The following ATRNL1 variants were observed in gnomAD, a reference collection of about 807,000 sequenced individuals.
ATRNL1 encodes attractin like 1, also known as attractin-like protein 1.
ATRNL1 carries 95 observed loss-of-function variants against 182.7 expected under a neutral mutation model. The ratio of observed to expected loss-of-function variants is 0.52; its 90% CI spans 0.44 to 0.62. The LOEUF (loss-of-function observed/expected upper bound fraction) is 0.62. Among genes scored for constraint, ATRNL1 ranks in the 20% least tolerant of loss-of-function variants. The pLI is 0.00. For missense variants in ATRNL1, 1,471 were observed against 1,679.5 expected (o/e 0.88, Z 2.17); for synonymous variants, 576 against 568.3 (o/e 1.01, Z -0.19).
intron 26 of ATRNL1, among the ~76,000 whole-genome samples, chr10:115,686,670 A>G (rs1337435971): frequency 6.6e-6 from 1 of 152,032 alleles, no homozygotes; most frequent in African/African-American, 2.4e-5. Flanking sequence ...AGCACATATC[A>G]AATATGTGAT....
intron 24 of ATRNL1, among the ~76,000 whole-genome samples, chr10:115,483,962 C>G (rs968724830): frequency 6.6e-6 from 1 of 151,510 alleles, no homozygotes; most frequent in Non-Finnish European, 1.5e-5. Context: ...GGCCACTACT[C>G]AAGTGAAATA....
chr10:115,412,954 A>G (rs760994765), intron 20 of ATRNL1, among the ~76,000 whole-genome samples: 5 of 152,168 alleles, frequency 3.3e-5, no homozygotes, highest in Admixed American at 3.3e-4. Flanking sequence ...GGGGATCTAC[A>G]ATGAAATTGA....
chr10:115,305,489 G>A (rs1853682677), intron 17 of ATRNL1, among the ~76,000 whole-genome samples: 1 of 152,118 alleles, frequency 6.6e-6, no homozygotes. Context: ...GTGGCAGTGT[G>A]GTGGTTGCAG....
chr10:115,615,994 T>C (rs1857408183), intron 26 of ATRNL1, among the ~76,000 whole-genome samples: 1 of 152,242 alleles, frequency 6.6e-6, no homozygotes. Flanking sequence ...GTTGAAATAG[T>C]GGAGGCCTCA....
intron 8 of ATRNL1, among the ~76,000 whole-genome samples, chr10:115,190,607 T>C (rs1286073500): frequency 6.6e-6 from 1 of 152,144 alleles, no homozygotes; most frequent in African/African-American, 2.4e-5. Context: ...TGTATATGTT[T>C]ATGAGATACA....
Position 115,129,328 on chromosome 10 carries a change from A to T in ATRNL1, c.622A>T (p.Ile208Phe). 6.2e-7 allele frequency: 1 copy of T among 1,609,516 alleles called. No individual in the cohort carries two copies. Among genetic ancestry groups the T allele is most frequent in the Non-Finnish European group, 8.5e-7 (1 of 1,176,300 alleles). The change falls in exon 5 of 29, where the codon ATC becomes TTC. Residue 208 changes from isoleucine to phenylalanine, a missense_variant and splice_region_variant. By Grantham distance (21) the Ile-to-Phe change is conservative (BLOSUM62 0). Around this residue, in one of 3 missense-constraint regions of ATRNL1, gnomAD observed 1,031 missense variants for 1,156.0 expected, o/e 0.89. Coordinates refer to ENST00000355044, the MANE Select transcript of ATRNL1 (RefSeq NM_207303.4). ...ATATATATGAATTATATTTTACAGA[A>T]TCAATTCTTGTCCTAACAATTGCTC... ...NLTGFNIFYS[I>F]NSCPNNCSGH... is the part of the protein sequence containing the mutation.
intron 26 of ATRNL1, among the ~76,000 whole-genome samples, chr10:115,644,355 A>G (rs1177058872): frequency 6.6e-6 from 1 of 152,148 alleles, no homozygotes; most frequent in Non-Finnish European, 1.5e-5. Flanking sequence ...TTAACTACGC[A>G]CAGTGTGTAC....
At chr10:115,820,734 C>T (rs1950274306) in intron 27 of ATRNL1, among the ~76,000 whole-genome samples, 1 of 152,018 alleles carries the variant, frequency 6.6e-6, no homozygotes, top group African/African-American at 2.4e-5. Context: ...GCTCTGAAGT[C>T]ACACTGACTT....
intron 27 of ATRNL1, among the ~76,000 whole-genome samples, chr10:115,747,382 G>A (rs1183616138): frequency 6.6e-6 from 1 of 152,042 alleles, no homozygotes; most frequent in Non-Finnish European, 1.5e-5. Flanking sequence ...AGAAAGAAAG[G>A]CAATCAAGAT....
intron 26 of ATRNL1, among the ~76,000 whole-genome samples, chr10:115,668,951 A>G (rs140128404): frequency 1.3e-5 from 2 of 152,184 alleles, no homozygotes; most frequent in East Asian, 3.9e-4. Flanking sequence ...TGATTTCTTG[A>G]TATTAAATTA....
intron 28 of ATRNL1, among the ~76,000 whole-genome samples, chr10:115,889,271 C>A (rs571706619): frequency 6.6e-6 from 1 of 152,212 alleles, no homozygotes; most frequent in African/African-American, 2.4e-5. Context: ...CACTTTTGGG[C>A]AGTGCTAACT....
chr10:115,684,037 A>G (rs1255051083), intron 26 of ATRNL1, among the ~76,000 whole-genome samples: 6 of 151,778 alleles, frequency 4.0e-5, no homozygotes, highest in Non-Finnish European at 7.4e-5. Context: ...TTCTAGGAAT[A>G]GTATCAGTAT....
At chr10:115,713,940 G>C (rs1214647006) in intron 26 of ATRNL1, among the ~76,000 whole-genome samples, 1 of 152,154 alleles carries the variant, frequency 6.6e-6, no homozygotes, top group African/African-American at 2.4e-5. Context: ...TGACTTCTTT[G>C]TAGTTTACTA....
intron 1 of ATRNL1, among the ~76,000 whole-genome samples, chr10:115,099,120 A>G (rs868945691): frequency 6.6e-6 from 1 of 152,214 alleles, no homozygotes; most frequent in Non-Finnish European, 1.5e-5. Context: ...CAGGGCAACT[A>G]TTGATCTGCT....
At chr10:115,441,938 A>G (rs1846702455) in intron 21 of ATRNL1, among the ~76,000 whole-genome samples, 2 of 151,928 alleles carry the variant, frequency 1.3e-5, no homozygotes, top group Non-Finnish European at 2.9e-5. Context: ...AATATATCCC[A>G]AAGATATATA....
At chr10:115,716,554 G>A (rs1264405609) in intron 26 of ATRNL1, among the ~76,000 whole-genome samples, 2 of 152,166 alleles carry the variant, frequency 1.3e-5, no homozygotes, top group African/African-American at 4.8e-5. Context: ...TTGTGGCTCA[G>A]AATTGAATCA....
At chr10:115,401,283 G>T (rs5004584) in intron 20 of ATRNL1, among the ~76,000 whole-genome samples, 35,691 of 151,956 alleles carry the variant, frequency 0.23, 5,231 homozygotes, top group Non-Finnish European at 0.34. Flanking sequence ...TCACTCTGTA[G>T]TCATTTTCCC....
chr10:115,203,266 C>T lies in ATRNL1; in HGVS notation c.1349-12431C>T, dbSNP rs371603663. Among the ~76,000 whole-genome samples, 69 of 152,180 alleles carry T rather than the reference C, an allele frequency of 4.5e-4. 1 individual carries two copies. The East Asian group carries it at 8.7e-3, about 19-fold the overall frequency. On this transcript the variant is annotated intron_variant, in intron 8 of 28. Transcript: ENST00000355044. ...TACTCCACCAACAAATGTAAACAAG[C>T]GAAACTTCAAACCTAGAGCAGTAAT...
intron 8 of ATRNL1, among the ~76,000 whole-genome samples, chr10:115,202,663 T>G (rs1161569863): frequency 1.2e-4 from 17 of 146,286 alleles, no homozygotes; most frequent in Admixed American, 6.2e-4. Flanking sequence ...TTTGCATCAA[T>G]GTTCATCAAG....
Sources: allele counts gnomAD v4.1 joint callset (sites outside exome capture counted in the v4.1 genomes callset), GRCh38; gene constraint gnomAD v4.1.1; regional missense constraint gnomAD v4.1.1; transcripts MANE v1.5; gene names NCBI Gene and HGNC (gene_info 2026-07-23, HGNC 2026-07-21).